Variants in ADGRV1 observed in about 807,000 individuals in gnomAD.
ADGRV1 encodes G-protein coupled receptor 98.
Under a neutral mutation model 596.2 loss-of-function variants are expected in ADGRV1, and 359 were observed. The observed-to-expected ratio is 0.60, with a 90% confidence interval of 0.55 to 0.66. The LOEUF (loss-of-function observed/expected upper bound fraction) is 0.66, where lower values mean the gene tolerates loss of function less well. Ranked by LOEUF, ADGRV1 falls within the 30% of genes least tolerant of loss-of-function variation. The pLI, the probability that ADGRV1 is intolerant of heterozygous loss-of-function variation, is 0.00. For synonymous variants in ADGRV1, 2,681 were observed against 2,679.2 expected, an observed-to-expected ratio of 1.00 and a Z score of -0.02; for missense variants, 7,274 against 7,575.6, an observed-to-expected ratio of 0.96 and a Z score of 1.48.
In ADGRV1 at chr5:90,685,797, C is replaced by G. The variant is rs368295787; in HGVS notation, c.6292C>G (p.Leu2098Val). The G allele has an allele frequency of 1.9e-6, 3 of 1,608,648 alleles. 1 individual carries two copies. The East Asian group carries it at 6.7e-5, about 36-fold the overall frequency. ...TCTTTCAGTTCCAAATTCTCCACGT[C>G]TTGGGCCTAAGGTAGAAACTATTGC... ...QSRSIPNSPR[L>V]GPKVETIAQL... Residue 2098 changes from leucine to valine, a missense_variant, in exon 29 of 90, where the codon CTT (leucine) becomes GTT (valine). Around this residue, in one of 5 missense-constraint regions of ADGRV1, gnomAD observed 3,643 missense variants for 3,809.2 expected, o/e 0.96. Coordinates refer to ENST00000405460, the MANE Select transcript of ADGRV1 (RefSeq NM_032119.4).
chr5:90,771,523 C>T (rs1423035212), intron 59 of ADGRV1, among the ~76,000 whole-genome samples: 2 of 152,106 alleles, frequency 1.3e-5, no homozygotes, highest in Non-Finnish European at 2.9e-5. Context: ...AATTTAGAAA[C>T]ATTTTAATGA....
intron 75 of ADGRV1, among the ~76,000 whole-genome samples, chr5:90,818,220 G>C (rs1272467723): frequency 4.6e-5 from 7 of 151,606 alleles, no homozygotes; most frequent in Non-Finnish European, 1.0e-4. Context: ...CTGTTTGTCT[G>C]TTGTTGGTGT....
intron 86 of ADGRV1, among the ~76,000 whole-genome samples, chr5:91,081,138 C>T (rs538916959): frequency 3.9e-5 from 6 of 152,100 alleles, no homozygotes; most frequent in Non-Finnish European, 7.3e-5. Context: ...TTTGCTCTCT[C>T]CTCTCATGGA....
intron 26 of ADGRV1, among the ~76,000 whole-genome samples, chr5:90,680,071 T>A (rs185742395): frequency 6.6e-6 from 1 of 152,230 alleles, no homozygotes; most frequent in African/African-American, 2.4e-5. Context: ...ATATGTAAAA[T>A]GTAATCAAAA....
chr5:90,605,734 A>T (rs1333156822), intron 1 of ADGRV1, among the ~76,000 whole-genome samples: 1 of 152,220 alleles, frequency 6.6e-6, no homozygotes, highest in Admixed American at 6.5e-5. Context: ...AAACTAATAG[A>T]GTGTTAATAC....
chr5:90,813,132 CAA>C (rs5869522), intron 74 of ADGRV1, among the ~76,000 whole-genome samples: 1,359 of 34,654 alleles, frequency 0.039, 165 homozygotes, highest in African/African-American at 0.11. Context: ...GACTCCGTCT[CAA>C]AAAAAAAAAA....
chr5:91,103,194 T>C (rs931517589), intron 87 of ADGRV1, among the ~76,000 whole-genome samples: 1 of 152,162 alleles, frequency 6.6e-6, no homozygotes, highest in African/African-American at 2.4e-5. Flanking sequence ...AGTTAGATCA[T>C]AGCTTACATG....
At chr5:91,024,376 C>T (rs1192729415) in intron 85 of ADGRV1, among the ~76,000 whole-genome samples, 3 of 152,114 alleles carry the variant, frequency 2.0e-5, no homozygotes, top group African/African-American at 7.2e-5. Context: ...TTAATAAACC[C>T]TAAAGTATTG....
chr5:90,626,820 G>C (rs1580502049), intron 6 of ADGRV1, among the ~76,000 whole-genome samples: 1 of 152,132 alleles, frequency 6.6e-6, no homozygotes, highest in Admixed American at 6.5e-5. Context: ...AATGTTTAAC[G>C]TACTTTCCAG....
intron 8 of ADGRV1, 43 bp from the exon 9 acceptor site, chr5:90,629,167 A>T: frequency 9.1e-7 from 1 of 1,103,918 alleles, no homozygotes; most frequent in African/African-American, 1.6e-5. Context: ...ATCATCTCAG[A>T]TGCGAGAATT....
chr5:90,670,678 C>G (rs1315068167), intron 21 of ADGRV1, among the ~76,000 whole-genome samples: 1 of 152,024 alleles, frequency 6.6e-6, no homozygotes, highest in Non-Finnish European at 1.5e-5. Context: ...CATGAGCTCC[C>G]TCTTACCAAG....
At chr5:90,819,019 A>T (rs1200992543) in intron 75 of ADGRV1, among the ~76,000 whole-genome samples, 1 of 152,178 alleles carries the variant, frequency 6.6e-6, no homozygotes, top group Non-Finnish European at 1.5e-5. Flanking sequence ...CCTCTGGTAG[A>T]AATCGGCTGT....
chr5:90,713,780 C>A (rs1749709028), intron 42 of ADGRV1, among the ~76,000 whole-genome samples: 1 of 152,246 alleles, frequency 6.6e-6, no homozygotes, highest in Admixed American at 6.5e-5. Context: ...TTATAAAAAT[C>A]TGATTGAAAT....
intron 87 of ADGRV1, among the ~76,000 whole-genome samples, chr5:91,135,808 C>T (rs1386237453): frequency 6.6e-6 from 1 of 152,134 alleles, no homozygotes; most frequent in South Asian, 2.1e-4. Flanking sequence ...TAGGGTAGAG[C>T]ATAATAAGGA....
chr5:90,770,058 T>G (rs898794833), intron 59 of ADGRV1, among the ~76,000 whole-genome samples: 1 of 152,186 alleles, frequency 6.6e-6, no homozygotes, highest in African/African-American at 2.4e-5. Context: ...AGTATTAGTT[T>G]GTTCTCACAC....
chr5:90,629,302 A>G lies in ADGRV1; in HGVS notation c.1602A>G (p.Glu534=). The change falls in exon 9 of 90, where the codon GAA becomes GAG. Residue 534 remains glutamate (E), a synonymous_variant. Transcript: ENST00000405460. Reference sequence around the variant, plus strand: ...AGAAGATTGAAAGCAGCCCAGGTGAACGATACTTATCCTTGAGTTTTACAA... The same window carrying G: ...AGAAGATTGAAAGCAGCCCAGGTGAGCGATACTTATCCTTGAGTTTTACAA... ...ENQKIESSPG[E]RYLSLSFTRL... 1 of 1,613,616 alleles carries G rather than the reference A, an allele frequency of 6.2e-7. No individual in the cohort carries two copies. The highest frequency in any genetic ancestry group is 8.5e-7 in the Non-Finnish European group (1 of 1,179,730).
intron 85 of ADGRV1, among the ~76,000 whole-genome samples, chr5:91,016,436 T>C (rs1783180730): frequency 6.6e-6 from 1 of 151,982 alleles, no homozygotes; most frequent in Admixed American, 6.6e-5. Flanking sequence ...ATTTACCTGG[T>C]CTCTTTTTCT....
At chr5:90,725,683 T>G (rs754242401) in intron 48 of ADGRV1, 27 bp downstream of exon 48, 6 of 1,058,054 alleles carry the variant, frequency 5.7e-6, no homozygotes, top group Admixed American at 2.1e-5. Flanking sequence ...ATGAAGTGGG[T>G]TTTTTTTTGC....
intron 85 of ADGRV1, among the ~76,000 whole-genome samples, chr5:91,006,572 A>T (rs1284043497): frequency 6.6e-6 from 1 of 152,158 alleles, no homozygotes; most frequent in Non-Finnish European, 1.5e-5. Flanking sequence ...AATGATAGAT[A>T]AGTACTTCCT....
Sources: allele counts gnomAD v4.1 joint callset (sites outside exome capture counted in the v4.1 genomes callset), GRCh38; gene constraint gnomAD v4.1.1; regional missense constraint gnomAD v4.1.1; transcripts MANE v1.5; gene names NCBI Gene and HGNC (gene_info 2026-07-23, HGNC 2026-07-21).